The following TFPI2 variants were observed in gnomAD, a reference collection of about 807,000 sequenced individuals.
TFPI2 encodes the protein tissue factor pathway inhibitor 2.
Under a neutral mutation model 23.1 loss-of-function variants are expected in TFPI2, and 23 were observed. The observed-to-expected ratio is 1.00, with a 90% CI of 0.72 to 1.41. The LOEUF (loss-of-function observed/expected upper bound fraction) is 1.41, where lower values mean the gene tolerates loss of function less well. TFPI2 is among the 40% of genes most tolerant of loss of function. TFPI2 has a pLI of 0.00. For missense variants in TFPI2, 291 were observed against 299.6 expected (o/e 0.97, Z 0.21); for synonymous variants, 119 against 111.7 (o/e 1.07, Z -0.41).
chr7:93,886,789 A>C lies in TFPI2; in HGVS notation c.*31T>G. 1 of 1,405,212 alleles carries C rather than the reference A, an allele frequency of 7.1e-7. No homozygotes were observed. The highest frequency in any genetic ancestry group is 9.6e-7 in the Non-Finnish European group (1 of 1,039,774). 87.0% of individuals were successfully genotyped at this position (1,405,212 alleles called of 1,614,324 possible). On this transcript the variant is annotated 3_prime_UTR_variant, in exon 5 of 5. Transcript: ENST00000222543. ...ACAACCATAAAGGCAAATAAGCCAT[A>C]AAGACAAACAAGATGACATATTAAG...
chr7:93,888,581 G>GA (rs1554337280), intron 3 of TFPI2, among the ~76,000 whole-genome samples: 63 of 108,860 alleles, frequency 5.8e-4, no homozygotes, highest in Middle Eastern at 4.0e-3. Flanking sequence ...AGGAAGGAAG[G>GA]AAGGAAAGAG....
In TFPI2 at chr7:93,886,863, C is replaced by A. The variant is rs543669576; in HGVS notation, c.665G>T (p.Arg222Leu). The change falls in exon 5 of 5, where the codon CGC becomes CTC. Residue 222 changes from arginine to leucine, a missense_variant. By Grantham distance (102) the Arg-to-Leu change is moderately radical. Coordinates refer to ENST00000222543, the MANE Select transcript of TFPI2 (RefSeq NM_006528.4). Reference protein sequence around the residue: ...LKKKKKMPKLRFASRIRKIRK... With the variant: ...LKKKKKMPKLLFASRIRKIRK... ...AATTTTCCGGATTCTACTGGCAAAG[C>A]GAAGCTTTGGCATCTTCTTTTTCTT... 50 of 1,549,002 alleles carry A rather than the reference C, an allele frequency of 3.2e-5. No individual in the cohort carries two copies. In the African/African-American group the frequency reaches 5.8e-4, roughly 18 times the overall value.
In TFPI2 at chr7:93,887,293, C is replaced by A; in HGVS notation, c.599G>T (p.Ser200Ile). ...ACATGCACGTTTGCAATCCTCCCTG[C>A]TAACAAAGTTATTGTCATTCCCTCC... ...GCGGNDNNFV[S>I]REDCKRACAK... Residue 200 changes from serine (S) to isoleucine (I), a missense_variant, in exon 4 of 5, where the codon AGC becomes ATC. Ser to Ile is a moderately radical substitution (Grantham distance 142). Transcript: ENST00000222543. 6.2e-7 allele frequency: 1 copy of A among 1,612,568 alleles called. No individual in the cohort carries two copies.
intron 2 of TFPI2, 137 bp from the exon 3 acceptor site, chr7:93,889,360 C>T: frequency 1.4e-6 from 1 of 738,146 alleles, no homozygotes. Flanking sequence ...AGAATACTCC[C>T]ATGAATCCAG....
intron 3 of TFPI2, among the ~76,000 whole-genome samples, chr7:93,888,524 AGAAGGAAGGAAGGAAG>A (rs745771609): frequency 2.6e-5 from 3 of 116,528 alleles, no homozygotes; most frequent in African/African-American, 1.0e-4. Flanking sequence ...AAAGAAAGAA[AGAAGGAAGGAAGGAAG>A]GAAAGAAGGA....
Position 93,890,183 on chromosome 7 carries a change from ATTG to A in TFPI2, c.222_224del (p.Asn75del), listed in dbSNP as rs1794099771. ...CGTCGCAAGCCTCCCAGGTGTAGAAATTGTTGGCGTTGCCCTCGCAGCCCCCGT... is the reference window on the plus strand; with the variant it reads ...CGTCGCAAGCCTCCCAGGTGTAGAAATTGGCGTTGCCCTCGCAGCCCCCGT... On this transcript the variant is annotated inframe_deletion, in exon 2 of 5. Coordinates refer to ENST00000222543, the MANE Select transcript of TFPI2 (RefSeq NM_006528.4). 1 of 1,612,746 alleles carries A rather than the reference ATTG, an allele frequency of 6.2e-7. No homozygotes were observed.
In TFPI2 at chr7:93,889,107, A is replaced by G. The variant is rs747072523; in HGVS notation, c.388T>C (p.Cys130Arg). The G allele has an allele frequency of 1.9e-6, 3 of 1,613,118 alleles. No individual in the cohort carries two copies. In the African/African-American group the frequency reaches 4.0e-5, roughly 22 times the overall value. ...MTCEKFFSGG[C>R]HRNRIENRFP... is the part of the protein sequence containing the mutation. ...CTGTTCTCAATCCGGTTCCGGTGACACCCACCGGAAAAGAATTTTTCACAT... is the reference window on the plus strand; with the variant it reads ...CTGTTCTCAATCCGGTTCCGGTGACGCCCACCGGAAAAGAATTTTTCACAT... The change falls in exon 3 of 5, where the codon TGT (cysteine) becomes CGT (arginine). Residue 130 changes from cysteine to arginine, a missense_variant. Coordinates refer to ENST00000222543, the MANE Select transcript of TFPI2 (RefSeq NM_006528.4).
rs1794127205 is a variant in TFPI2 at position 93,890,753 on chromosome 7, T to C, written c.-75A>G. 7.1e-7 allele frequency: 1 copy of C among 1,399,724 alleles called. No individual in the cohort carries two copies. The highest frequency in any genetic ancestry group is 9.8e-7 in the Non-Finnish European group (1 of 1,024,310). 86.7% of individuals were successfully genotyped at this position (1,399,724 alleles called of 1,614,324 possible). On this transcript the variant is annotated 5_prime_UTR_variant, in exon 1 of 5. Coordinates refer to ENST00000222543, the MANE Select transcript of TFPI2 (RefSeq NM_006528.4). ...TGGCGGGAGGAGGTGCGCGGCTTTCTGCTCCAGGCGGCCCGGGTGCCCGCT... is the reference window on the plus strand; with the variant it reads ...TGGCGGGAGGAGGTGCGCGGCTTTCCGCTCCAGGCGGCCCGGGTGCCCGCT...
intron 2 of TFPI2, 138 bp downstream of exon 2, chr7:93,889,999 A>T: frequency 1.2e-6 from 1 of 822,968 alleles, no homozygotes; most frequent in Non-Finnish European, 1.8e-6. Flanking sequence ...GAAACTGAAA[A>T]CCATGAGGTT....
At position 93,886,808 on chromosome 7, in the gene TFPI2, T is replaced by G. The variant is rs1266818490; in HGVS notation, c.*12A>C. The G allele has an allele frequency of 1.3e-6, 2 of 1,529,516 alleles. No individual in the cohort carries two copies. The highest frequency in any genetic ancestry group is 1.8e-6 in the Non-Finnish European group (2 of 1,141,038). 94.7% of individuals were successfully genotyped at this position (1,529,516 alleles called of 1,614,324 possible). A position where few individuals can be genotyped will look rare whatever the true frequency, so the allele number is the denominator to read the frequency against. ...AGCCATAAAGACAAACAAGATGACATATTAAGAATGTTTAAAATTGCTTCT... is the reference window on the plus strand; with the variant it reads ...AGCCATAAAGACAAACAAGATGACAGATTAAGAATGTTTAAAATTGCTTCT... On this transcript the variant is annotated 3_prime_UTR_variant, in exon 5 of 5. Transcript: ENST00000222543.
At position 93,886,911 on chromosome 7, in the gene TFPI2, A is replaced by G. The variant is rs1244869921; in HGVS notation, c.632-15T>C. Reference sequence around the variant, plus strand: ...CTTTTTCAAAGCTAAAATCAATAAAACGACAATGAAAATCATACATCTCCA... The same window carrying G: ...CTTTTTCAAAGCTAAAATCAATAAAGCGACAATGAAAATCATACATCTCCA... On this transcript the variant is annotated splice_polypyrimidine_tract_variant and intron_variant, in intron 4 of 4. Coordinates refer to ENST00000222543, the MANE Select transcript of TFPI2 (RefSeq NM_006528.4). The G allele has an allele frequency of 1.3e-6, 2 of 1,527,870 alleles. No homozygotes were observed. Among genetic ancestry groups the G allele is most frequent in the Non-Finnish European group, 1.7e-6 (2 of 1,151,236 alleles). 94.6% of individuals were successfully genotyped at this position (1,527,870 alleles called of 1,614,324 possible).
In TFPI2 at chr7:93,885,699, T is replaced by A. The variant is rs1466183609; in HGVS notation, c.*1121A>T. On this transcript the variant is annotated 3_prime_UTR_variant, in exon 5 of 5. Coordinates refer to ENST00000222543, the MANE Select transcript of TFPI2 (RefSeq NM_006528.4). ...CCTCATCCATAAAATCTTCAACCAG[T>A]CCCTGACTGAAGAGTACCTGGTTTG... 1 of 152,038 alleles carries A rather than the reference T, an allele frequency of 6.6e-6. No homozygotes were observed. Among genetic ancestry groups the A allele is most frequent in the African/African-American group, 2.4e-5 (1 of 41,430 alleles). The allele number at this position is 152,038 out of a possible 1,614,324, so 9.4% of individuals were successfully genotyped here.
chr7:93,886,424 G>A lies in TFPI2; in HGVS notation c.*396C>T, dbSNP rs1793993048. 1 of 154,442 alleles carries A rather than the reference G, an allele frequency of 6.5e-6. No individual in the cohort carries two copies. The highest frequency in any genetic ancestry group is 2.1e-4 in the South Asian group (1 of 4,862). The allele number at this position is 154,442 out of a possible 1,614,324, so 9.6% of individuals were successfully genotyped here. ...CTAAAATATAATCCAACTTTTAAAT[G>A]CAAAATGAGTTTTATTTGCTAGTCC... On this transcript the variant is annotated 3_prime_UTR_variant, in exon 5 of 5. Coordinates refer to ENST00000222543, the MANE Select transcript of TFPI2 (RefSeq NM_006528.4).
At position 93,889,100 on chromosome 7, in the gene TFPI2, C is replaced by T. The variant is rs113538343; in HGVS notation, c.395G>A (p.Arg132Gln). The change falls in exon 3 of 5, where the codon CGG becomes CAG. Residue 132 changes from arginine (R) to glutamine (Q), a missense_variant. Arg to Gln is a conservative substitution (Grantham distance 43). Transcript: ENST00000222543. ...CEKFFSGGCH[R>Q]NRIENRFPDE... ...TGGAAACCTGTTCTCAATCCGGTTC[C>T]GGTGACACCCACCGGAAAAGAATTT... The T allele has an allele frequency of 3.1e-4, 500 of 1,612,698 alleles. No individual in the cohort carries two copies. In the African/African-American group the frequency reaches 5.6e-3, roughly 18 times the overall value.
Position 93,888,544 on chromosome 7 carries a change from A to AGAAGGAAGGAAGGAAGGAAG in TFPI2, c.460+471_460+490dup, listed in dbSNP as rs56960901. Among the ~76,000 whole-genome samples, 309 of 105,350 alleles carry AGAAGGAAGGAAGGAAGGAAG rather than the reference A, an allele frequency of 2.9e-3. 3 individuals carry two copies. The highest frequency in any genetic ancestry group is 4.8e-3 in the Middle Eastern group (1 of 210). The allele number at this position is 105,350 out of a possible 152,430, so 69.1% of individuals were successfully genotyped here. A position where few individuals can be genotyped will look rare whatever the true frequency, so the allele number is the denominator to read the frequency against. On this transcript the variant is annotated intron_variant, in intron 3 of 4. Transcript: ENST00000222543. ...AAGAAAGAAGGAAGGAAGGAAGGAA[A>AGAAGGAAGGAAGGAAGGAAG]GAAGGAAGGAAGGAAGGAAGGAAGG...
Position 93,889,133 on chromosome 7 carries a change from G to C in TFPI2, c.362C>G (p.Thr121Arg). Reference protein sequence around the residue: ...EKYFFNLSSMTCEKFFSGGCH... With the variant: ...EKYFFNLSSMRCEKFFSGGCH... ...CCCACCGGAAAAGAATTTTTCACAT[G>C]TCATGGAACTTAGATTAAAGAAATA... Residue 121 changes from threonine (T) to arginine (R), a missense_variant, in exon 3 of 5, where the codon ACA (threonine) becomes AGA (arginine). By Grantham distance (71) the Thr-to-Arg change is moderately conservative. Coordinates refer to ENST00000222543, the MANE Select transcript of TFPI2 (RefSeq NM_006528.4). The C allele has an allele frequency of 6.2e-7, 1 of 1,613,398 alleles. No individual in the cohort carries two copies. Among genetic ancestry groups the C allele is most frequent in the East Asian group, 2.2e-5 (1 of 44,786 alleles).
At position 93,886,582 on chromosome 7, in the gene TFPI2, T is replaced by A. The variant is rs892792632; in HGVS notation, c.*238A>T. 2.6e-6 allele frequency: 1 copy of A among 388,312 alleles called. No individual in the cohort carries two copies. The highest frequency in any genetic ancestry group is 4.5e-6 in the Non-Finnish European group (1 of 220,376). The allele number at this position is 388,312 out of a possible 1,614,324, so 24.1% of individuals were successfully genotyped here. A position where few individuals can be genotyped will look rare whatever the true frequency, so the allele number is the denominator to read the frequency against. ...ATATTTGCTTTTATATCTTATGCAT[T>A]GCAAGAATTCAGTCTCACAAACAGT... On this transcript the variant is annotated 3_prime_UTR_variant, in exon 5 of 5. Transcript: ENST00000222543.
intron 1 of TFPI2, 39 bp downstream of exon 1, chr7:93,890,552 C>T (rs775362028): frequency 9.4e-6 from 15 of 1,601,576 alleles, no homozygotes; most frequent in South Asian, 6.7e-5. Context: ...GCGCCCTCTC[C>T]GCCGGTTGGG....
At chr7:93,890,496 G>C in intron 1 of TFPI2, 95 bp downstream of exon 1, 1 of 1,476,068 alleles carries the variant, frequency 6.8e-7, no homozygotes, top group Non-Finnish European at 9.1e-7. Context: ...GGGACCTGGA[G>C]AAAGCGAGGC....
Sources: gnomAD v4.1 joint callset for allele counts (sites outside exome capture counted in the v4.1 genomes callset) on GRCh38, gnomAD v4.1.1 for gene constraint, MANE v1.5 for transcripts, NCBI Gene and HGNC (gene_info 2026-07-23, HGNC 2026-07-21) for gene names.